CCDC15: variants seen among roughly 807,000 people sequenced by gnomAD.
CCDC15 encodes coiled-coil domain containing 15, also known as coiled-coil domain-containing protein 15.
A neutral mutation model predicts 114.5 loss-of-function variants in CCDC15; 105 were observed. The ratio of observed to expected loss-of-function variants is 0.92; its 90% confidence interval spans 0.78 to 1.08. The LOEUF is 1.08. CCDC15 is among the 50% of genes least tolerant of loss of function. CCDC15 has a pLI of 0.00. For missense variants in CCDC15, 1,105 were observed against 1,093.6 expected (o/e 1.01, Z -0.15); for synonymous variants, 334 against 377.8 (o/e 0.88, Z 1.34).
intron 13 of CCDC15, among the ~76,000 whole-genome samples, chr11:125,034,095 G>C (rs4936972): frequency 0.2 from 29,972 of 152,110 alleles, 3,418 homozygotes; most frequent in African/African-American, 0.31. Context: ...AACTGCCTCA[G>C]GGGAGGCCAT....
rs1948179347 is a variant in CCDC15 at position 124,987,057 on chromosome 11, A to T, written c.901-70A>T. On this transcript the variant is annotated intron_variant, in intron 7 of 15. Transcript: ENST00000344762. Reference sequence around the variant, plus strand: ...ACTGCCATATCATTTTGATATTTCGATTATTTTGGAAAATCTAGAGTATTG... The same window carrying T: ...ACTGCCATATCATTTTGATATTTCGTTTATTTTGGAAAATCTAGAGTATTG... The T allele has an allele frequency of 2.9e-6, 4 of 1,387,452 alleles. No homozygotes were observed. The East Asian group carries it at 1.0e-4, about 35-fold the overall frequency. 85.9% of individuals were successfully genotyped at this position (1,387,452 alleles called of 1,614,324 possible).
At chr11:124,990,332 C>T (rs1948246530) in intron 8 of CCDC15, among the ~76,000 whole-genome samples, 1 of 152,170 alleles carries the variant, frequency 6.6e-6, no homozygotes, top group African/African-American at 2.4e-5. Flanking sequence ...TCAGAGATCA[C>T]TGATCATAGA....
At chr11:125,009,674 T>A (rs1183862724) in intron 13 of CCDC15, among the ~76,000 whole-genome samples, 1 of 152,108 alleles carries the variant, frequency 6.6e-6, no homozygotes, top group Non-Finnish European at 1.5e-5. Flanking sequence ...CCTCTAGTAG[T>A]CTTCAGTGTT....
chr11:125,038,323 TC>T, intron 13 of CCDC15, 107 bp from the exon 14 acceptor site: 1 of 719,420 alleles, frequency 1.4e-6, no homozygotes. Context: ...TAAACTGATT[TC>T]CTGACTCCTT....
At chr11:125,008,241 A>G (rs888303645) in intron 13 of CCDC15, among the ~76,000 whole-genome samples, 3 of 152,184 alleles carry the variant, frequency 2.0e-5, no homozygotes, top group Non-Finnish European at 2.9e-5. Context: ...TAGATCTTAT[A>G]TATTTTTTGT....
chr11:124,962,304 C>T (rs553110210), intron 4 of CCDC15, among the ~76,000 whole-genome samples: 53 of 152,274 alleles, frequency 3.5e-4, no homozygotes, highest in African/African-American at 1.2e-3. Context: ...TCAGTTTTCT[C>T]GTGTTGGTGT....
At chr11:125,032,711 G>T (rs1165123308) in intron 13 of CCDC15, among the ~76,000 whole-genome samples, 2 of 152,148 alleles carry the variant, frequency 1.3e-5, no homozygotes, top group Admixed American at 6.5e-5. Context: ...AGCCAATGTG[G>T]GGGTTCTGCC....
At chr11:125,007,966 T>C (rs1444726649) in intron 13 of CCDC15, among the ~76,000 whole-genome samples, 2 of 152,176 alleles carry the variant, frequency 1.3e-5, no homozygotes, top group South Asian at 4.1e-4. Context: ...TGAAGTCGGG[T>C]AATTTCAGTC....
chr11:124,974,993 A>AT (rs1947949737), intron 4 of CCDC15, 103 bp from the exon 5 acceptor site: 3 of 623,894 alleles, frequency 4.8e-6, no homozygotes, highest in East Asian at 3.2e-5. Context: ...TAGATCTGGC[A>AT]TTTTTTAATA....
intron 13 of CCDC15, among the ~76,000 whole-genome samples, chr11:125,034,602 T>C (rs1948763467): frequency 6.6e-6 from 1 of 152,242 alleles, no homozygotes; most frequent in African/African-American, 2.4e-5. Context: ...ATTATGTTCC[T>C]TGGTTCTCCA....
At chr11:125,004,619 C>G (rs1381200899) in intron 12 of CCDC15, among the ~76,000 whole-genome samples, 2 of 152,002 alleles carry the variant, frequency 1.3e-5, no homozygotes, top group Non-Finnish European at 2.9e-5. Context: ...AGTCTAGTAG[C>G]ACTTGCTTTT....
intron 11 of CCDC15, among the ~76,000 whole-genome samples, chr11:125,002,317 A>G (rs757219019): frequency 4.6e-5 from 7 of 152,160 alleles, no homozygotes; most frequent in Non-Finnish European, 7.4e-5. Context: ...TCAGATACAT[A>G]TGATTTGCAA....
Position 124,990,028 on chromosome 11 carries a change from G to A in CCDC15, c.1909-1433G>A, listed in dbSNP as rs188042712. Among the ~76,000 whole-genome samples the A allele has an allele frequency of 9.2e-5, 14 of 152,234 alleles. No homozygotes were observed. The East Asian group carries it at 2.5e-3, about 27-fold the overall frequency. On this transcript the variant is annotated intron_variant, in intron 8 of 15. Transcript: ENST00000344762. ...GTTTGGTACAAGAGGCCTAGCCTTC[G>A]GACTGTCTTGGCTTTCAACAGGCCT...
rs561844399 is a variant in CCDC15, at chr11:124,971,063, C to T, written c.517-4033C>T. ...TCAGCTAAGGCTAGGGAGGAAGTTG[C>T]CTAAGGCCGCCCCTTTAATAGGGCT... is the stretch of plus-strand genomic sequence containing the variant. On this transcript the variant is annotated intron_variant, in intron 4 of 15. Transcript: ENST00000344762. Among the ~76,000 whole-genome samples the T allele has an allele frequency of 2.0e-5, 3 of 152,228 alleles. No individual in the cohort carries two copies. In the South Asian group the frequency reaches 6.2e-4, roughly 32 times the overall value.
chr11:124,998,487 C>A (rs1948413457), intron 11 of CCDC15, among the ~76,000 whole-genome samples: 2 of 152,222 alleles, frequency 1.3e-5, no homozygotes, highest in South Asian at 4.1e-4. Flanking sequence ...GTCTCTATCT[C>A]TTCATATTAT....
At chr11:124,999,336 A>G (rs527483989) in intron 11 of CCDC15, among the ~76,000 whole-genome samples, 5 of 152,170 alleles carry the variant, frequency 3.3e-5, no homozygotes, top group Admixed American at 3.3e-4. Context: ...TTTTGCCATT[A>G]TGTCTCCAAA....
chr11:125,026,553 C>G (rs908832118), intron 13 of CCDC15, among the ~76,000 whole-genome samples: 4 of 152,046 alleles, frequency 2.6e-5, no homozygotes, highest in African/African-American at 9.7e-5. Flanking sequence ...TTTGAAGGTG[C>G]TTTTTGTAGA....
chr11:125,014,356 G>A (rs1397300768), intron 13 of CCDC15, among the ~76,000 whole-genome samples: 1 of 152,094 alleles, frequency 6.6e-6, no homozygotes, highest in African/African-American at 2.4e-5. Flanking sequence ...ACAATATTCA[G>A]TATTCAATCA....
intron 13 of CCDC15, among the ~76,000 whole-genome samples, chr11:125,031,901 G>A (rs1037720736): frequency 3.3e-5 from 5 of 152,150 alleles, no homozygotes; most frequent in African/African-American, 7.2e-5. Context: ...GGAATGTGTC[G>A]ACAACAAAAT....
Sources: allele counts gnomAD v4.1 joint callset (sites outside exome capture counted in the v4.1 genomes callset), GRCh38; gene constraint gnomAD v4.1.1; transcripts MANE v1.5; gene names NCBI Gene and HGNC (gene_info 2026-07-23, HGNC 2026-07-21).